Variants in DLGAP2 observed in about 807,000 individuals in gnomAD.
DLGAP2 encodes the protein DLG associated protein 2, also known as disks large-associated protein 2.
DLGAP2 carries 26 observed loss-of-function variants against 100.3 expected under a neutral mutation model. That is an observed-to-expected ratio of 0.26 (90% confidence interval 0.19 to 0.36). The LOEUF (loss-of-function observed/expected upper bound fraction) is 0.36, where lower values mean the gene tolerates loss of function less well. Among genes scored for constraint, DLGAP2 ranks in the 10% least tolerant of loss-of-function variants. The pLI is 1.00. For missense variants in DLGAP2, 1,858 were observed against 1,453.2 expected, an observed-to-expected ratio of 1.28 and a Z score of -4.53; for synonymous variants, 886 against 630.1, an observed-to-expected ratio of 1.41 and a Z score of -6.08.
chr8:1,632,252 G>T (rs1188720639), intron 7 of DLGAP2, among the ~76,000 whole-genome samples: 1 of 152,196 alleles, frequency 6.6e-6, no homozygotes, highest in Non-Finnish European at 1.5e-5. Context: ...TTTCTCATCT[G>T]GACTCAGATA....
At chr8:1,084,586 T>TAG (rs1803913857) in intron 2 of DLGAP2, among the ~76,000 whole-genome samples, 1 of 152,200 alleles carries the variant, frequency 6.6e-6, no homozygotes, top group Non-Finnish European at 1.5e-5. Flanking sequence ...TTCTGTGCTT[T>TAG]CAGTAGTTTT....
At chr8:1,251,586 A>G (rs192489737) in intron 2 of DLGAP2, among the ~76,000 whole-genome samples, 1 of 152,330 alleles carries the variant, frequency 6.6e-6, no homozygotes, top group East Asian at 1.9e-4. Context: ...CGTGCAAGCC[A>G]CGGTGCCTGG....
intron 2 of DLGAP2, among the ~76,000 whole-genome samples, chr8:1,076,463 C>T (rs1803615634): frequency 6.6e-6 from 1 of 152,188 alleles, no homozygotes; most frequent in Non-Finnish European, 1.5e-5. Flanking sequence ...TTTCGAAGTT[C>T]TTGTGGAACA....
intron 2 of DLGAP2, among the ~76,000 whole-genome samples, chr8:951,520 G>C (rs921682714): frequency 6.6e-6 from 1 of 152,294 alleles, no homozygotes; most frequent in African/African-American, 2.4e-5. Context: ...CAAAGTGCTG[G>C]GATTACAGGC....
At chr8:1,234,379 C>G (rs548719456) in intron 2 of DLGAP2, among the ~76,000 whole-genome samples, 1 of 152,272 alleles carries the variant, frequency 6.6e-6, no homozygotes, top group Admixed American at 6.5e-5. Flanking sequence ...CTGGCCATTC[C>G]TTGGCTGTGG....
At chr8:1,654,161 C>G (rs1356510099) in intron 8 of DLGAP2, among the ~76,000 whole-genome samples, 1 of 152,148 alleles carries the variant, frequency 6.6e-6, no homozygotes, top group African/African-American at 2.4e-5. Context: ...ATGTCATTCA[C>G]AATTAGGTGT....
intron 2 of DLGAP2, among the ~76,000 whole-genome samples, chr8:1,241,252 C>T (rs577511674): frequency 3.3e-5 from 5 of 149,826 alleles, no homozygotes; most frequent in African/African-American, 1.2e-4. Context: ...TCACATGGAA[C>T]CATGTCTAGT....
intron 2 of DLGAP2, among the ~76,000 whole-genome samples, chr8:997,692 A>T (rs1466338248): frequency 4.6e-5 from 7 of 152,246 alleles, no homozygotes; most frequent in African/African-American, 1.7e-4. Context: ...ATTCTTTAAA[A>T]GCCTAAGAAT....
chr8:769,479 G>C (rs1331645445), intron 1 of DLGAP2, among the ~76,000 whole-genome samples: 1 of 152,102 alleles, frequency 6.6e-6, no homozygotes, highest in Non-Finnish European at 1.5e-5. Context: ...TGAAACAATA[G>C]AGAATCCCCA....
rs1283171544 is a variant in DLGAP2, at chr8:1,337,009, G to T, written c.106+78126G>T. 2.0e-5 allele frequency among the ~76,000 whole-genome samples: 3 copies of T among 152,198 alleles called. No homozygotes were observed. In the East Asian group the frequency reaches 5.8e-4, roughly 29 times the overall value. The stretch of plus-strand genomic sequence containing the variant: ...TATGGGAGTGAGGAGCAGAGGCAAT[G>T]AGTCTCTAGAATAGTCATTGGTGAT... On this transcript the variant is annotated intron_variant, in intron 3 of 14. Transcript: ENST00000637795.
intron 2 of DLGAP2, among the ~76,000 whole-genome samples, chr8:1,037,272 C>T (rs1014440339): frequency 6.6e-6 from 1 of 152,184 alleles, no homozygotes; most frequent in African/African-American, 2.4e-5. Context: ...TCTCTGTTAT[C>T]ACCTGGCGTG....
intron 3 of DLGAP2, among the ~76,000 whole-genome samples, chr8:1,272,626 G>T (rs1367465415): frequency 6.6e-6 from 1 of 152,142 alleles, no homozygotes; most frequent in Non-Finnish European, 1.5e-5. Context: ...CTGTGGAAGG[G>T]AATAATCAAG....
At chr8:1,545,891 G>A (rs1247996707) in intron 4 of DLGAP2, among the ~76,000 whole-genome samples, 1 of 152,206 alleles carries the variant, frequency 6.6e-6, no homozygotes, top group African/African-American at 2.4e-5. Context: ...GGATACGTGA[G>A]TGGGGCAGTA....
At chr8:1,427,145 G>A (rs1221865128) in intron 3 of DLGAP2, among the ~76,000 whole-genome samples, 1 of 152,146 alleles carries the variant, frequency 6.6e-6, no homozygotes, top group Admixed American at 6.5e-5. Context: ...AGCATAATAA[G>A]TATGAACTAA....
chr8:1,007,314 C>T (rs996862283), intron 2 of DLGAP2, among the ~76,000 whole-genome samples: 6 of 152,196 alleles, frequency 3.9e-5, no homozygotes, highest in African/African-American at 1.2e-4. Context: ...AGGACCTGGC[C>T]AGCCGCTCTC....
intron 4 of DLGAP2, among the ~76,000 whole-genome samples, chr8:1,524,157 G>A (rs1467591174): frequency 6.6e-6 from 1 of 152,136 alleles, no homozygotes. Flanking sequence ...ACCAGAGTGG[G>A]CTTTTAAAGG....
At chr8:1,045,591 A>C (rs1802492045) in intron 2 of DLGAP2, among the ~76,000 whole-genome samples, 1 of 151,566 alleles carries the variant, frequency 6.6e-6, no homozygotes, top group Non-Finnish European at 1.5e-5. Context: ...CTCTTGACTT[A>C]CTCCTCCCGT....
At chr8:1,648,828 A>T (rs535963658) in intron 8 of DLGAP2, among the ~76,000 whole-genome samples, 4 of 152,346 alleles carry the variant, frequency 2.6e-5, no homozygotes, top group African/African-American at 9.6e-5. Flanking sequence ...TGGAGAGGAT[A>T]TCGTGGGGTT....
chr8:1,267,879 C>G (rs115469803), intron 3 of DLGAP2, among the ~76,000 whole-genome samples: 571 of 152,216 alleles, frequency 3.8e-3, no homozygotes, highest in African/African-American at 0.013. Flanking sequence ...CACCCTAGTC[C>G]TCTGCATTTC....
Sources: allele counts gnomAD v4.1 joint callset (sites outside exome capture counted in the v4.1 genomes callset), GRCh38; gene constraint gnomAD v4.1.1; transcripts MANE v1.5; gene names NCBI Gene and HGNC (gene_info 2026-07-23, HGNC 2026-07-21).